SLC1A1: variants seen among roughly 807,000 people sequenced by gnomAD.
The protein encoded by SLC1A1 is excitatory amino acid transporter 3.
A neutral mutation model predicts 53.3 loss-of-function variants in SLC1A1; 43 were observed. The ratio of observed to expected loss-of-function variants is 0.81; its 90% confidence interval spans 0.63 to 1.04. SLC1A1 has a LOEUF of 1.04. SLC1A1 is among the 50% of genes least tolerant of loss of function. The pLI is 0.00. For missense variants in SLC1A1, 748 were observed against 664.9 expected (o/e 1.12, Z -1.37); for synonymous variants, 307 against 243.2 (o/e 1.26, Z -2.44).
chr9:4,520,412 TTTC>T (rs1178402894), intron 1 of SLC1A1, among the ~76,000 whole-genome samples: 31 of 152,328 alleles, frequency 2.0e-4, no homozygotes, highest in African/African-American at 7.0e-4. Flanking sequence ...ATTATCTATT[TTTC>T]TTTTTTCCCC....
intron 1 of SLC1A1, among the ~76,000 whole-genome samples, chr9:4,504,557 G>T (rs1820736929): frequency 6.6e-6 from 1 of 152,208 alleles, no homozygotes; most frequent in South Asian, 2.1e-4. Flanking sequence ...CATTTCTGCT[G>T]CCGCTTCTTG....
chr9:4,520,928 C>A (rs535486525), intron 1 of SLC1A1, among the ~76,000 whole-genome samples: 2 of 152,314 alleles, frequency 1.3e-5, no homozygotes, highest in East Asian at 1.9e-4. Flanking sequence ...CAACATATAT[C>A]ATTTTCTCTT....
intron 10 of SLC1A1, among the ~76,000 whole-genome samples, chr9:4,580,013 G>C (rs1011665556): frequency 2.0e-5 from 3 of 152,118 alleles, no homozygotes; most frequent in African/African-American, 7.2e-5. Context: ...TTGAGTCCAG[G>C]AGTTCGAGAC....
intron 2 of SLC1A1, among the ~76,000 whole-genome samples, chr9:4,545,189 G>GTCTCTGTCTCTCTCTCTCTCTC (rs1554681239): frequency 7.6e-6 from 1 of 130,906 alleles, no homozygotes; most frequent in Non-Finnish European, 1.6e-5. Context: ...TACATTAGAT[G>GTCTCTGTCTCTCTCTCTCTCTC]TCTCTCTCTC....
At chr9:4,524,651 G>T (rs983003281) in intron 1 of SLC1A1, among the ~76,000 whole-genome samples, 5 of 152,140 alleles carry the variant, frequency 3.3e-5, no homozygotes, top group African/African-American at 1.2e-4. Flanking sequence ...AGACTTTCGA[G>T]CTGCATCAAA....
At chr9:4,512,275 G>A (rs1311819533) in intron 1 of SLC1A1, among the ~76,000 whole-genome samples, 2 of 152,298 alleles carry the variant, frequency 1.3e-5, no homozygotes, top group African/African-American at 2.4e-5. Flanking sequence ...CACTTTGGGA[G>A]GCTGAGGTGG....
intron 1 of SLC1A1, among the ~76,000 whole-genome samples, chr9:4,530,949 G>A (rs1363221214): frequency 6.6e-6 from 1 of 152,202 alleles, no homozygotes; most frequent in South Asian, 2.1e-4. Flanking sequence ...GCTAGGAAAA[G>A]TCAGCAACAT....
In SLC1A1 at chr9:4,490,766, G is replaced by A. The variant is rs760788107; in HGVS notation, c.87G>A (p.Val29=). The A allele has an allele frequency of 3.7e-6, 6 of 1,610,910 alleles. No homozygotes were observed. The highest frequency in any genetic ancestry group is 5.1e-6 in the Non-Finnish European group (6 of 1,177,760). The part of the protein sequence containing the change: ...WVLLSTVAAV[V]LGITTGVLVR... ...TGCTGTCCACCGTGGCCGCGGTGGT[G>A]CTAGGTGAGCGGCGCGGCGGGTGGG... Residue 29 remains valine (V), a synonymous_variant, in exon 1 of 12, where the codon GTG becomes GTA. Transcript: ENST00000262352.
At chr9:4,577,390 G>A (rs1392940603) in intron 10 of SLC1A1, among the ~76,000 whole-genome samples, 1 of 152,220 alleles carries the variant, frequency 6.6e-6, no homozygotes, top group African/African-American at 2.4e-5. Context: ...TGAGGAGGCA[G>A]GGGTCATGTC....
chr9:4,567,584 A>G (rs1819609374), intron 5 of SLC1A1, 85 bp from the exon 6 acceptor site: 1 of 865,058 alleles, frequency 1.2e-6, no homozygotes, highest in South Asian at 1.4e-5. Flanking sequence ...TTTGGCCAAA[A>G]TAACATGTTC....
At chr9:4,526,720 A>C (rs1453214912) in intron 1 of SLC1A1, among the ~76,000 whole-genome samples, 1 of 152,198 alleles carries the variant, frequency 6.6e-6, no homozygotes, top group Non-Finnish European at 1.5e-5. Context: ...ACAAAATTAC[A>C]ATTAAGAAAT....
chr9:4,564,996 C>G (rs943184744), intron 4 of SLC1A1, among the ~76,000 whole-genome samples: 1 of 152,208 alleles, frequency 6.6e-6, no homozygotes, highest in African/African-American at 2.4e-5. Context: ...CTTACGGGTT[C>G]TGTTGCATAT....
At chr9:4,584,770 T>A (rs192891648) in intron 11 of SLC1A1, among the ~76,000 whole-genome samples, 1 of 152,182 alleles carries the variant, frequency 6.6e-6, no homozygotes. Context: ...ACCTGTGTTT[T>A]CTGACCCCGT....
intron 6 of SLC1A1, among the ~76,000 whole-genome samples, chr9:4,570,596 C>T (rs1176920153): frequency 6.6e-6 from 1 of 151,992 alleles, no homozygotes; most frequent in Non-Finnish European, 1.5e-5. Flanking sequence ...GTCTTGAACT[C>T]CTAACATCAG....
intron 1 of SLC1A1, among the ~76,000 whole-genome samples, chr9:4,514,629 A>T (rs1821103650): frequency 6.6e-6 from 1 of 152,054 alleles, no homozygotes; most frequent in Admixed American, 6.5e-5. Flanking sequence ...CAGAACTGAC[A>T]CAGTGGGCAT....
chr9:4,541,145 A>T (rs1287713517), intron 1 of SLC1A1, among the ~76,000 whole-genome samples: 1 of 152,194 alleles, frequency 6.6e-6, no homozygotes, highest in Non-Finnish European at 1.5e-5. Flanking sequence ...GCTCTGCTGA[A>T]GTCCTTCCTG....
In SLC1A1 at chr9:4,498,801, C is replaced by CAA. The variant is rs575133354; in HGVS notation, c.91+8037_91+8038dup. 9.6e-3 allele frequency among the ~76,000 whole-genome samples: 1,431 copies of CAA among 148,930 alleles called. 22 individuals are homozygous for CAA. The highest frequency in any genetic ancestry group is 0.012 in the Non-Finnish European group (787 of 67,398). On this transcript the variant is annotated intron_variant, in intron 1 of 11. Coordinates refer to ENST00000262352, the MANE Select transcript of SLC1A1 (RefSeq NM_004170.6). Reference sequence around the variant, plus strand: ...GTTGCTAGTGAGTTAAGTTCATCTGCAAAAAAATATATATATATGTGTGTG... The same window carrying CAA: ...GTTGCTAGTGAGTTAAGTTCATCTGCAAAAAAAAATATATATATATGTGTGTG...
intron 1 of SLC1A1, among the ~76,000 whole-genome samples, chr9:4,505,557 G>A (rs141886658): frequency 1.3e-5 from 2 of 152,368 alleles, no homozygotes; most frequent in African/African-American, 2.4e-5. Context: ...GCTGGGTTGT[G>A]CCTTGTGGAT....
chr9:4,514,587 A>AT, intron 1 of SLC1A1, among the ~76,000 whole-genome samples: 1 of 152,180 alleles, frequency 6.6e-6, no homozygotes, highest in South Asian at 2.1e-4. Flanking sequence ...AGAGGGAGCA[A>AT]TAAATAAAGG....
Sources: allele counts gnomAD v4.1 joint callset (sites outside exome capture counted in the v4.1 genomes callset), GRCh38; gene constraint gnomAD v4.1.1; transcripts MANE v1.5; gene names NCBI Gene and HGNC (gene_info 2026-07-23, HGNC 2026-07-21).